Variants in PRSS23 observed in about 807,000 individuals in gnomAD.
The protein encoded by PRSS23 is serine protease 23.
In PRSS23, 25 loss-of-function variants were observed where a neutral mutation model predicts 34.7. The observed-to-expected ratio is 0.72, with a 90% CI of 0.53 to 1.01. The LOEUF (loss-of-function observed/expected upper bound fraction) is 1.01. Among genes scored for constraint, PRSS23 ranks in the 50% least tolerant of loss-of-function variants. The pLI is 0.00. For missense variants in PRSS23, 445 were observed against 475.6 expected (o/e 0.94, Z 0.60); for synonymous variants, 176 against 186.6 (o/e 0.94, Z 0.46).
At chr11:86,861,899 T>C (rs1948618240) in intron 2 of PRSS23, among the ~76,000 whole-genome samples, 1 of 151,964 alleles carries the variant, frequency 6.6e-6, no homozygotes, top group South Asian at 2.1e-4. Context: ...TGTCATATTG[T>C]TTGTAATATC....
At chr11:86,831,037 T>C (rs981116328) in intron 2 of PRSS23, among the ~76,000 whole-genome samples, 2 of 152,062 alleles carry the variant, frequency 1.3e-5, no homozygotes, top group African/African-American at 4.8e-5. Context: ...CCTAGGGGGA[T>C]GTTTCTCCTA....
intron 2 of PRSS23, among the ~76,000 whole-genome samples, chr11:86,845,631 C>G (rs535588297): frequency 6.6e-6 from 1 of 152,166 alleles, no homozygotes; most frequent in Non-Finnish European, 1.5e-5. Flanking sequence ...GGACTTACTT[C>G]AGTCCTGGAT....
chr11:86,919,165 T>C (rs17820457), intron 2 of PRSS23, among the ~76,000 whole-genome samples: 5,402 of 152,306 alleles, frequency 0.035, 118 homozygotes, highest in South Asian at 0.087. Context: ...CCCAGAAATT[T>C]GCCCACATCC....
At chr11:86,942,916 T>C (rs1295794411) in intron 2 of PRSS23, among the ~76,000 whole-genome samples, 1 of 152,252 alleles carries the variant, frequency 6.6e-6, no homozygotes, top group African/African-American at 2.4e-5. Flanking sequence ...GTCTGGTTTA[T>C]TTCTGTACAC....
intron 1 of PRSS23, among the ~76,000 whole-genome samples, chr11:86,820,660 A>T (rs991643501): frequency 9.2e-5 from 14 of 152,244 alleles, no homozygotes; most frequent in African/African-American, 3.4e-4. Flanking sequence ...GAATTTTAAA[A>T]CACTTTATCT....
chr11:86,808,000 G>C lies in PRSS23; in HGVS notation c.357G>C (p.Gly119=). ...ATGGGGCCCAACACCGAGACTCAGG[G>C]TCTTCAGGAAAGTCTCGAAGGAAGC... The part of the protein sequence containing the change: ...SGDGAQHRDS[G]SSGKSRRKRQ... Residue 119 remains glycine, a synonymous_variant, in exon 2 of 2, where the codon GGG becomes GGC. Transcript: ENST00000280258. The C allele has an allele frequency of 6.2e-7, 1 of 1,614,068 alleles. No individual in the cohort carries two copies. The highest frequency in any genetic ancestry group is 8.5e-7 in the Non-Finnish European group (1 of 1,180,016).
chr11:86,806,587 G>A (rs1448395208), intron 1 of PRSS23, among the ~76,000 whole-genome samples: 2 of 152,124 alleles, frequency 1.3e-5, no homozygotes, highest in Non-Finnish European at 2.9e-5. Flanking sequence ...CGAGGCTGTG[G>A]CATACTATTT....
At chr11:86,888,655 C>CA in intron 2 of PRSS23, among the ~76,000 whole-genome samples, 1 of 152,216 alleles carries the variant, frequency 6.6e-6, no homozygotes, top group East Asian at 1.9e-4. Context: ...ATTGCATGAT[C>CA]ATTTCTGAGC....
chr11:86,939,092 C>T (rs1315518257), intron 2 of PRSS23: 1 of 425,790 alleles, frequency 2.3e-6, no homozygotes, highest in South Asian at 1.7e-5. Context: ...TCTGAGGAAT[C>T]ATCAATCAAG....
At chr11:86,864,202 T>C (rs10898543) in intron 2 of PRSS23, among the ~76,000 whole-genome samples, 46,903 of 151,888 alleles carry the variant, frequency 0.31, 7,467 homozygotes, top group Non-Finnish European at 0.35. Context: ...TAGCCCATGA[T>C]GGTGATTATT....
intron 1 of PRSS23, among the ~76,000 whole-genome samples, chr11:86,819,249 C>T (rs945237410): frequency 6.6e-6 from 1 of 152,158 alleles, no homozygotes; most frequent in Non-Finnish European, 1.5e-5. Context: ...CAGACAGCAT[C>T]ACAGACCTGA....
rs776026462 is a variant in PRSS23 at position 86,951,507 on chromosome 11, G to A, written c.*222G>A. The A allele has an allele frequency of 9.3e-6, 15 of 1,613,980 alleles. No individual in the cohort carries two copies. Among genetic ancestry groups the A allele is most frequent in the African/African-American group, 5.3e-5 (4 of 74,888 alleles). On this transcript the variant is annotated 3_prime_UTR_variant, in exon 3 of 3. Transcript: ENST00000533902. The stretch of plus-strand genomic sequence containing the variant: ...GTCCCATCCTTTTGAAGATTTGACC[G>A]AATTTTGAACAAGGCCACCAAACCT...
intron 2 of PRSS23, among the ~76,000 whole-genome samples, chr11:86,878,680 G>A (rs1181278103): frequency 6.6e-6 from 1 of 151,986 alleles, no homozygotes; most frequent in African/African-American, 2.4e-5. Context: ...CTGCCCGGCT[G>A]CCACCCCGTC....
chr11:86,939,126 C>T (rs370192034), intron 2 of PRSS23: 7 of 395,204 alleles, frequency 1.8e-5, no homozygotes, highest in East Asian at 1.6e-4. Context: ...GCCAGAAACA[C>T]GTAAGGGAAA....
Position 86,810,349 on chromosome 11 carries a change from T to A in PRSS23, c.*1554T>A, listed in dbSNP as rs1434671581. 1 of 166,900 alleles carries A rather than the reference T, an allele frequency of 6.0e-6. No individual in the cohort carries two copies. The highest frequency in any genetic ancestry group is 1.5e-5 in the Non-Finnish European group (1 of 68,128). 10.3% of individuals were successfully genotyped at this position (166,900 alleles called of 1,614,324 possible). On this transcript the variant is annotated 3_prime_UTR_variant, in exon 2 of 2. Coordinates refer to ENST00000280258, the MANE Select transcript of PRSS23 (RefSeq NM_007173.6). Reference sequence around the variant, plus strand: ...GTCACTTAGACATTCTCTGGGGGATTTTCTGCTTGTCTTTCTTGAGCTTTT... The same window carrying A: ...GTCACTTAGACATTCTCTGGGGGATATTCTGCTTGTCTTTCTTGAGCTTTT...
At chr11:86,830,662 G>T (rs1376472711) in intron 2 of PRSS23, among the ~76,000 whole-genome samples, 4 of 152,164 alleles carry the variant, frequency 2.6e-5, no homozygotes, top group Non-Finnish European at 5.9e-5. Flanking sequence ...CTATAGAAGT[G>T]TTGCTCCTCA....
rs944774573 is a variant in PRSS23 at position 86,945,495 on chromosome 11, G to A, written c.207-5721G>A. ...TCAATTCTGTTGACCTTAGACTGTGGGGGTTTGCTGACGCAGGAGAAATCC... is the reference window on the plus strand; with the variant it reads ...TCAATTCTGTTGACCTTAGACTGTGAGGGTTTGCTGACGCAGGAGAAATCC... On this transcript the variant is annotated intron_variant, in intron 2 of 2. Coordinates refer to the PRSS23 transcript ENST00000533902. Among the ~76,000 whole-genome samples, 34 of 152,288 alleles carry A rather than the reference G, an allele frequency of 2.2e-4. 1 individual carries two copies. Among genetic ancestry groups the A allele is most frequent in the African/African-American group, 7.9e-4 (33 of 41,552 alleles).
chr11:86,908,849 C>T (rs1948960134), intron 2 of PRSS23: 1 of 152,116 alleles, frequency 6.6e-6, no homozygotes, highest in African/African-American at 2.4e-5. Context: ...GCAATATCAG[C>T]TAGGTTCACC....
intron 2 of PRSS23, among the ~76,000 whole-genome samples, chr11:86,944,059 C>G (rs1032218517): frequency 6.6e-6 from 1 of 151,994 alleles, no homozygotes; most frequent in Admixed American, 6.6e-5. Flanking sequence ...TTTATTCTTA[C>G]ACAGTTCTGG....
Sources: gnomAD v4.1 joint callset for allele counts (sites outside exome capture counted in the v4.1 genomes callset) on GRCh38, gnomAD v4.1.1 for gene constraint, MANE v1.5 for transcripts, NCBI Gene and HGNC (gene_info 2026-07-23, HGNC 2026-07-21) for gene names.